The following REST variants were observed in gnomAD, a reference collection of about 807,000 sequenced individuals.
The protein encoded by REST is RE1 silencing transcription factor.
REST carries 1 observed loss-of-function variant against 30.4 expected under a neutral mutation model. The observed-to-expected ratio is 0.03, with a 90% CI of 0.01 to 0.16. The LOEUF is 0.16. Ranked by LOEUF, REST falls within the 10% of genes least tolerant of loss-of-function variation. REST has a pLI of 1.00. For synonymous variants in REST, 504 were observed against 451.1 expected, an observed-to-expected ratio of 1.12 and a Z score of -1.49; for missense variants, 1,259 against 1,329.5, an observed-to-expected ratio of 0.95 and a Z score of 0.82.
Position 56,911,318 on chromosome 4 carries a change from G to A in REST, c.680G>A (p.Arg227Gln). The A allele has an allele frequency of 6.2e-7, 1 of 1,614,086 alleles. No homozygotes were observed. Among genetic ancestry groups the A allele is most frequent in the Non-Finnish European group, 8.5e-7 (1 of 1,180,030 alleles). Residue 227 changes from arginine to glutamine, a missense_variant, in exon 2 of 4, where the codon CGA (arginine) becomes CAA (glutamine). This residue lies in a region of REST where 125 missense variants were observed against 255.4 expected (regional missense o/e 0.49). Transcript: ENST00000309042. ...GACCGCTGCGGCTACAATACTAATC[G>A]ATATGATCACTATACAGCACACCTG... The part of the protein sequence containing the change: ...RCDRCGYNTN[R>Q]YDHYTAHLKH...
rs1387036063 is a variant in REST, at chr4:56,911,061, C to T, written c.423C>T (p.Pro141=). ...TTTACAGTTCAAATAAAGATCTTCC[C>T]CCTGAAACACCTGGAGCGGAGGACA... The part of the protein sequence containing the change: ...PDIYSSNKDL[P]PETPGAEDKG... The change falls in exon 2 of 4, where the codon CCC becomes CCT. Residue 141 remains proline (P), a synonymous_variant. Coordinates refer to ENST00000309042, the MANE Select transcript of REST (RefSeq NM_005612.5). 5 of 1,613,944 alleles carry T rather than the reference C, an allele frequency of 3.1e-6. No homozygotes were observed. The highest frequency in any genetic ancestry group is 1.6e-4 in the Middle Eastern group (1 of 6,084).
Position 56,930,408 on chromosome 4 carries a change from A to G in REST, c.1550A>G (p.Lys517Arg). The G allele has an allele frequency of 6.2e-7, 1 of 1,614,062 alleles. No individual in the cohort carries two copies. The highest frequency in any genetic ancestry group is 8.5e-7 in the Non-Finnish European group (1 of 1,180,002). Residue 517 changes from lysine to arginine, a missense_variant, in exon 4 of 4, where the codon AAG becomes AGG. Transcript: ENST00000309042. Reference sequence around the variant, plus strand: ...AATTCAGAAAAATTCAGTAAAACTAAGAAAAGCAAAAGGAAGCTGGAAGTT... The same window carrying G: ...AATTCAGAAAAATTCAGTAAAACTAGGAAAAGCAAAAGGAAGCTGGAAGTT... ...GSNSEKFSKT[K>R]KSKRKLEVDS... is the part of the protein sequence containing the mutation.
At position 56,907,963 on chromosome 4, in the gene REST, A is replaced by C; in HGVS notation, c.-260A>C. On this transcript the variant is annotated 5_prime_UTR_variant, in exon 1 of 4. Transcript: ENST00000309042. Reference sequence around the variant, plus strand: ...CCGCGAGCTCGCGGCGCAGCAGCGGAGCGAGCGCCGCCGAGGCCCGGGGCC... The same window carrying C: ...CCGCGAGCTCGCGGCGCAGCAGCGGCGCGAGCGCCGCCGAGGCCCGGGGCC... The C allele has an allele frequency of 5.9e-6, 2 of 338,294 alleles. No individual in the cohort carries two copies. The highest frequency in any genetic ancestry group is 5.3e-6 in the Non-Finnish European group (1 of 188,776). The allele number at this position is 338,294 out of a possible 1,614,324, so 21.0% of individuals were successfully genotyped here.
In REST at chr4:56,930,444, C is replaced by G. The variant is rs1223990926; in HGVS notation, c.1586C>G (p.Ser529Cys). Reference sequence around the variant, plus strand: ...AGGAAGCTGGAAGTTGACAGCCATTCTTTACATGGTCCTGTGAATGATGAG... The same window carrying G: ...AGGAAGCTGGAAGTTGACAGCCATTGTTTACATGGTCCTGTGAATGATGAG... ...SKRKLEVDSH[S>C]LHGPVNDEES... is the part of the protein sequence containing the mutation. The change falls in exon 4 of 4, where the codon TCT (serine) becomes TGT (cysteine). Residue 529 changes from serine (S) to cysteine (C), a missense_variant. Transcript: ENST00000309042. The G allele has an allele frequency of 3.7e-6, 6 of 1,613,682 alleles. No individual in the cohort carries two copies. The highest frequency in any genetic ancestry group is 5.1e-6 in the Non-Finnish European group (6 of 1,180,004).
intron 3 of REST, among the ~76,000 whole-genome samples, chr4:56,921,738 C>T (rs943668166): frequency 2.0e-5 from 3 of 151,932 alleles, no homozygotes; most frequent in Non-Finnish European, 4.4e-5. Context: ...GAAGAAAAGA[C>T]TATCTTTCTC....
chr4:56,920,556 A>G (rs2109547724), intron 3 of REST, among the ~76,000 whole-genome samples: 1 of 152,002 alleles, frequency 6.6e-6, no homozygotes, highest in East Asian at 1.9e-4. Context: ...GAGGCGGGGT[A>G]GTTTGAGACT....
In REST at chr4:56,910,877, G is replaced by A. The variant is rs747481199; in HGVS notation, c.239G>A (p.Gly80Glu). 3.7e-6 allele frequency: 6 copies of A among 1,614,130 alleles called. 1 individual carries two copies. The South Asian group carries it at 5.5e-5, about 15-fold the overall frequency. ...CAGATGGCAGAACTGATGCCGGTTG[G>A]GGATAACAACTTTTCAGATAGTGAA... ...ERQMAELMPV[G>E]DNNFSDSEEG... is the part of the protein sequence containing the mutation. Residue 80 changes from glycine to glutamate, a missense_variant, in exon 2 of 4, where the codon GGG (glycine) becomes GAG (glutamate). By Grantham distance (98) the Gly-to-Glu change is moderately conservative (BLOSUM62 -2). Around this residue, in one of 5 missense-constraint regions of REST, gnomAD observed 249 missense variants for 251.5 expected, o/e 0.99. Transcript: ENST00000309042.
chr4:56,931,161 C>G lies in REST; in HGVS notation c.2303C>G (p.Pro768Arg). The change falls in exon 4 of 4, where the codon CCC (proline) becomes CGC (arginine). Residue 768 changes from proline to arginine, a missense_variant. Transcript: ENST00000309042. Reference protein sequence around the residue: ...KEPVKIELSPPIEVVQKEPVQ... With the variant: ...KEPVKIELSPRIEVVQKEPVQ... ...CCTGTTAAGATAGAGCTGTCTCCTC[C>G]CATAGAGGTGGTCCAGAAGGAGCCT... 3.1e-6 allele frequency: 5 copies of G among 1,608,138 alleles called. No homozygotes were observed. The highest frequency in any genetic ancestry group is 1.1e-5 in the South Asian group (1 of 90,886).
rs748320177 is a variant in REST, at chr4:56,931,623, C to G, written c.2765C>G (p.Ser922Cys). 3.1e-6 allele frequency: 5 copies of G among 1,614,134 alleles called. No individual in the cohort carries two copies. In the East Asian group the frequency reaches 8.9e-5, roughly 29 times the overall value. ...AACGAATCTACCCATATTTCATCCTCTGGACAAAACTTGAATACGCCAGAG... is the reference window on the plus strand; with the variant it reads ...AACGAATCTACCCATATTTCATCCTGTGGACAAAACTTGAATACGCCAGAG... ...NINESTHISS[S>C]GQNLNTPEGE... Residue 922 changes from serine (S) to cysteine (C), a missense_variant, in exon 4 of 4, where the codon TCT (serine) becomes TGT (cysteine). Ser to Cys is a moderately radical substitution (Grantham distance 112). Transcript: ENST00000309042.
At chr4:56,914,556 C>G (rs1440557916) in intron 2 of REST, among the ~76,000 whole-genome samples, 1 of 152,190 alleles carries the variant, frequency 6.6e-6, no homozygotes, top group African/African-American at 2.4e-5. Context: ...CTTGGGGACA[C>G]AACCCCATTA....
chr4:56,931,132 G>A lies in REST; in HGVS notation c.2274G>A (p.Lys758=), dbSNP rs1720948261. 1 of 1,604,316 alleles carries A rather than the reference G, an allele frequency of 6.2e-7. No homozygotes were observed. Among genetic ancestry groups the A allele is most frequent in the African/African-American group, 1.3e-5 (1 of 74,486 alleles). ...CTCCTCCCATGGAGGTGGTCCAGAA[G>A]GAACCTGTTAAGATAGAGCTGTCTC... is the stretch of plus-strand genomic sequence containing the variant. ...ELSPPMEVVQ[K]EPVKIELSPP... is the part of the protein sequence containing the mutation. The change falls in exon 4 of 4, where the codon AAG becomes AAA. Residue 758 remains lysine (K), a synonymous_variant. Coordinates refer to ENST00000309042, the MANE Select transcript of REST (RefSeq NM_005612.5).
intron 1 of REST, 91 bp from the exon 2 acceptor site, chr4:56,910,539 T>G: frequency 8.8e-7 from 1 of 1,133,292 alleles, no homozygotes; most frequent in Non-Finnish European, 1.2e-6. Flanking sequence ...TGGAAAATTT[T>G]TAAGTTATGA....
At chr4:56,909,008 G>T (rs1042238848) in intron 1 of REST, 1 of 152,138 alleles carries the variant, frequency 6.6e-6, no homozygotes, top group African/African-American at 2.4e-5. Flanking sequence ...GGGCCCGGGG[G>T]CGGTCGGAGA....
rs748898141 is a variant in REST at position 56,931,074 on chromosome 4, T to G, written c.2216T>G (p.Val739Gly). The change falls in exon 4 of 4, where the codon GTG becomes GGG. Residue 739 changes from valine to glycine, a missense_variant. By Grantham distance (109) the Val-to-Gly change is moderately radical (BLOSUM62 -3). This residue lies in a region of REST where 856 missense variants were observed against 772.8 expected (regional missense o/e 1.11). Coordinates refer to ENST00000309042, the MANE Select transcript of REST (RefSeq NM_005612.5). Reference protein sequence around the residue: ...VQMELSPPMEVVQKEPVQIEL... With the variant: ...VQMELSPPMEGVQKEPVQIEL... ...ATGGAGCTGTCTCCTCCCATGGAGG[T>G]GGTCCAGAAGGAGCCTGTTCAGATA... 9 of 1,384,996 alleles carry G rather than the reference T, an allele frequency of 6.5e-6. No individual in the cohort carries two copies. The highest frequency in any genetic ancestry group is 1.6e-5 in the African/African-American group (1 of 62,512). The allele number at this position is 1,384,996 out of a possible 1,614,324, so 85.8% of individuals were successfully genotyped here.
At chr4:56,928,914 T>C (rs1428310211) in intron 3 of REST, among the ~76,000 whole-genome samples, 1 of 151,632 alleles carries the variant, frequency 6.6e-6, no homozygotes, top group Non-Finnish European at 1.5e-5. Context: ...TTGATTTATT[T>C]TTGAGACAGG....
At chr4:56,921,917 G>T (rs1720468716) in intron 3 of REST, among the ~76,000 whole-genome samples, 1 of 152,136 alleles carries the variant, frequency 6.6e-6, no homozygotes, top group South Asian at 2.1e-4. Context: ...TTACATGTGT[G>T]ATATGCATTA....
Position 56,914,470 on chromosome 4 carries a change from G to A in REST, c.898+2934G>A, listed in dbSNP as rs184319799. ...GTCATAAGCTGTGATTGATTGTCTC[G>A]ATGCTTTGAAACCATTCGATTTCAG... On this transcript the variant is annotated intron_variant, in intron 2 of 3. Transcript: ENST00000309042. Among the ~76,000 whole-genome samples the A allele has an allele frequency of 1.3e-4, 20 of 152,160 alleles. No individual in the cohort carries two copies. The East Asian group carries it at 3.5e-3, about 26-fold the overall frequency.
chr4:56,909,633 G>A (rs1719804631), intron 1 of REST: 1 of 152,196 alleles, frequency 6.6e-6, no homozygotes, highest in African/African-American at 2.4e-5. Flanking sequence ...TGGGTGAAGC[G>A]GGTTACTTTT....
intron 1 of REST, among the ~76,000 whole-genome samples, chr4:56,908,748 A>G (rs567174710): frequency 3.4e-4 from 52 of 151,520 alleles, no homozygotes; most frequent in African/African-American, 1.2e-3. Context: ...CTGGACAGCG[A>G]TTTCTGCGCT....
Sources: allele counts gnomAD v4.1 joint callset (sites outside exome capture counted in the v4.1 genomes callset), GRCh38; gene constraint gnomAD v4.1.1; regional missense constraint gnomAD v4.1.1; transcripts MANE v1.5; gene names NCBI Gene and HGNC (gene_info 2026-07-23, HGNC 2026-07-21).